SNX18: variants seen among roughly 807,000 people sequenced by gnomAD.
The protein encoded by SNX18 is sorting nexin 18, also known as sorting nexin-18.
In SNX18, 35 loss-of-function variants were observed where a neutral mutation model predicts 48.7. That is an observed-to-expected ratio of 0.72 (90% CI 0.55 to 0.95). The LOEUF (loss-of-function observed/expected upper bound fraction) is 0.95, where lower values mean the gene tolerates loss of function less well. SNX18 is among the 40% of genes least tolerant of loss of function. The probability of loss-of-function intolerance (pLI) is 0.00; values close to 1 mark genes in which losing one functional copy is unlikely to be tolerated. For missense variants in SNX18, 824 were observed against 871.0 expected (o/e 0.95, Z 0.68); for synonymous variants, 492 against 384.7 (o/e 1.28, Z -3.26).
At chr5:54,601,799 C>T in the SNX18 span, among the ~76,000 whole-genome samples, 28 of 152,118 alleles carry the variant, frequency 1.8e-4, 1 homozygote, top group Non-Finnish European at 1.5e-5. Context: ...GGGGTTTACG[C>T]TCCTTCTTCC....
chr5:54,623,253 T>A, the SNX18 span, among the ~76,000 whole-genome samples: 878 of 152,256 alleles, frequency 5.8e-3, 7 homozygotes, highest in African/African-American at 0.02. Context: ...GGAGGCAGCA[T>A]GAGAAGAGAG....
the SNX18 span, among the ~76,000 whole-genome samples, chr5:54,620,292 G>C: frequency 6.6e-6 from 1 of 152,088 alleles, no homozygotes; most frequent in Admixed American, 6.6e-5. Flanking sequence ...CCCTGGGTCT[G>C]GAGCTTTGGG....
chr5:54,535,938 C>G (rs1489534996), intron 1 of SNX18, among the ~76,000 whole-genome samples: 1 of 152,174 alleles, frequency 6.6e-6, no homozygotes, highest in Non-Finnish European at 1.5e-5. Context: ...TTATTAGTTC[C>G]TGAGTGCACT....
intron 1 of SNX18, among the ~76,000 whole-genome samples, chr5:54,526,680 G>T (rs1041527916): frequency 5.3e-5 from 8 of 152,176 alleles, no homozygotes; most frequent in African/African-American, 1.9e-4. Context: ...CAAGATGCTA[G>T]TGTTGCATCA....
the SNX18 span, among the ~76,000 whole-genome samples, chr5:54,633,430 A>T: frequency 3.3e-5 from 5 of 152,282 alleles, no homozygotes; most frequent in South Asian, 1.0e-3. Flanking sequence ...GACTGAATGA[A>T]GCTGGAACTA....
the SNX18 span, among the ~76,000 whole-genome samples, chr5:54,561,146 G>T: frequency 6.6e-6 from 1 of 152,116 alleles, no homozygotes; most frequent in Non-Finnish European, 1.5e-5. Flanking sequence ...GGGTTTAAGC[G>T]ATTCTCCTGC....
At chr5:54,571,117 G>A in the SNX18 span, among the ~76,000 whole-genome samples, 1 of 152,064 alleles carries the variant, frequency 6.6e-6, no homozygotes, top group African/African-American at 2.4e-5. Flanking sequence ...GATTGGAGGA[G>A]GCCTCCTGTG....
chr5:54,558,791 A>C, the SNX18 span, among the ~76,000 whole-genome samples: 1 of 152,304 alleles, frequency 6.6e-6, no homozygotes, highest in East Asian at 1.9e-4. Context: ...TCGATGTAAA[A>C]AAGGAACAAA....
At chr5:54,566,351 T>C in the SNX18 span, among the ~76,000 whole-genome samples, 16 of 152,218 alleles carry the variant, frequency 1.1e-4, no homozygotes, top group Admixed American at 3.9e-4. Context: ...TATTAAAATA[T>C]CTCCTAAGAT....
At chr5:54,537,887 T>C (rs1451707192) in intron 1 of SNX18, among the ~76,000 whole-genome samples, 1 of 152,258 alleles carries the variant, frequency 6.6e-6, no homozygotes, top group Non-Finnish European at 1.5e-5. Context: ...TTAAAAATGC[T>C]GTCATACTTT....
intron 1 of SNX18, among the ~76,000 whole-genome samples, chr5:54,528,307 G>T (rs557269315): frequency 1.3e-5 from 2 of 151,936 alleles, no homozygotes; most frequent in East Asian, 3.9e-4. Flanking sequence ...GTGTAGAGCA[G>T]TAGGTACTTG....
At chr5:54,608,598 T>C in the SNX18 span, among the ~76,000 whole-genome samples, 3 of 152,144 alleles carry the variant, frequency 2.0e-5, no homozygotes, top group South Asian at 6.2e-4. Flanking sequence ...TACTGGGATA[T>C]GGAGATAGCC....
At chr5:54,594,143 A>G in the SNX18 span, among the ~76,000 whole-genome samples, 1 of 152,248 alleles carries the variant, frequency 6.6e-6, no homozygotes. Context: ...TCAAAAGCAC[A>G]ATACTAAGTG....
At chr5:54,636,699 A>C in the SNX18 span, among the ~76,000 whole-genome samples, 1 of 152,234 alleles carries the variant, frequency 6.6e-6, no homozygotes, top group African/African-American at 2.4e-5. Context: ...TGGAATGTTC[A>C]TCTAAACAGA....
the SNX18 span, among the ~76,000 whole-genome samples, chr5:54,626,910 G>T: frequency 3.0e-4 from 46 of 152,222 alleles, no homozygotes; most frequent in Non-Finnish European, 5.9e-4. Context: ...AGAACATGTT[G>T]CTTGGAGGAG....
the SNX18 span, among the ~76,000 whole-genome samples, chr5:54,572,775 T>TATATATATATATATATATATA: frequency 1.4e-3 from 12 of 8,674 alleles, no homozygotes; most frequent in Admixed American, 4.4e-3. Flanking sequence ...TATATATATA[T>TATATATATATATATATATATA]TTTTTTTTTT....
chr5:54,596,951 C>A, the SNX18 span, among the ~76,000 whole-genome samples: 1 of 152,056 alleles, frequency 6.6e-6, no homozygotes, highest in African/African-American at 2.4e-5. Flanking sequence ...TGTACTGACA[C>A]GAAGTGGCAA....
At position 54,518,186 on chromosome 5, in the gene SNX18, C is replaced by A; in HGVS notation, c.234C>A (p.Tyr78Ter). ...GDGGPGAPAR[Y>*]ANVPPGGFEP... The stretch of plus-strand genomic sequence containing the variant: ...GCGGCCCGGGCGCCCCGGCCCGCTA[C>A]GCCAATGTGCCCCCCGGGGGCTTCG... The change falls in exon 1 of 2, where the codon TAC becomes TAA. Residue 78 changes from tyrosine to a stop codon, truncating the protein, a stop_gained. Transcript: ENST00000381410. LOFTEE classifies it high-confidence loss of function. 7.2e-7 allele frequency: 1 copy of A among 1,386,372 alleles called. No individual in the cohort carries two copies. Among genetic ancestry groups the A allele is most frequent in the Non-Finnish European group, 9.3e-7 (1 of 1,078,822 alleles). 85.9% of individuals were successfully genotyped at this position (1,386,372 alleles called of 1,614,324 possible).
chr5:54,600,741 G>T, the SNX18 span, among the ~76,000 whole-genome samples: 7 of 152,218 alleles, frequency 4.6e-5, 1 homozygote, highest in South Asian at 8.3e-4. Context: ...AAAACCAAAG[G>T]CCACATGTTC....
Sources: allele counts gnomAD v4.1 joint callset (sites outside exome capture counted in the v4.1 genomes callset), GRCh38; gene constraint gnomAD v4.1.1; transcripts MANE v1.5; gene names NCBI Gene and HGNC (gene_info 2026-07-23, HGNC 2026-07-21).